The following ZDHHC14 variants were observed in gnomAD, a reference collection of about 807,000 sequenced individuals.
ZDHHC14 encodes palmitoyltransferase ZDHHC14.
Under a neutral mutation model 47.7 loss-of-function variants are expected in ZDHHC14, and 16 were observed. The ratio of observed to expected loss-of-function variants is 0.34; its 90% confidence interval spans 0.23 to 0.51. The LOEUF (loss-of-function observed/expected upper bound fraction) is 0.51. ZDHHC14 is among the 20% of genes least tolerant of loss of function. The probability of loss-of-function intolerance (pLI) is 0.97; values close to 1 mark genes in which losing one functional copy is unlikely to be tolerated. For synonymous variants in ZDHHC14, 293 were observed against 278.9 expected, an observed-to-expected ratio of 1.05 and a Z score of -0.50; for missense variants, 515 against 662.5, an observed-to-expected ratio of 0.78 and a Z score of 2.44.
chr6:157,537,706 C>T lies in ZDHHC14; in HGVS notation c.246-4879C>T, dbSNP rs193177249. ...GCTGCCTCATCATCTTGTATCAGATCCAGGCCCTTGGGGATGGAGTCTTCC... is the reference window on the plus strand; with the variant it reads ...GCTGCCTCATCATCTTGTATCAGATTCAGGCCCTTGGGGATGGAGTCTTCC... On this transcript the variant is annotated intron_variant, in intron 1 of 8. Transcript: ENST00000359775. Among the ~76,000 whole-genome samples the T allele has an allele frequency of 3.9e-3, 589 of 152,282 alleles. 1 individual carries two copies. The highest frequency in any genetic ancestry group is 6.7e-3 in the Non-Finnish European group (454 of 68,020).
At chr6:157,608,648 T>C (rs1194452461) in intron 3 of ZDHHC14, among the ~76,000 whole-genome samples, 1 of 152,184 alleles carries the variant, frequency 6.6e-6, no homozygotes, top group Non-Finnish European at 1.5e-5. Context: ...TGAGTCAGTG[T>C]GGCAGAGAGG....
chr6:157,422,411 TC>T (rs1196170750), intron 1 of ZDHHC14, among the ~76,000 whole-genome samples: 1 of 152,188 alleles, frequency 6.6e-6, no homozygotes, highest in Admixed American at 6.5e-5. Context: ...ATTCTGTACT[TC>T]CATCCCACAC....
intron 1 of ZDHHC14, among the ~76,000 whole-genome samples, chr6:157,474,950 G>A (rs1397846571): frequency 6.6e-6 from 1 of 151,972 alleles, no homozygotes; most frequent in Non-Finnish European, 1.5e-5. Context: ...TGTGCTTTTG[G>A]GGTCACATCC....
intron 7 of ZDHHC14, 84 bp from the exon 8 acceptor site, chr6:157,653,441 C>A (rs1777931478): frequency 1.4e-6 from 2 of 1,437,148 alleles, no homozygotes; most frequent in Non-Finnish European, 1.9e-6. Flanking sequence ...AAGAGGGAGC[C>A]CCGACGCGGA....
chr6:157,662,468 C>T (rs1388804930), intron 8 of ZDHHC14, among the ~76,000 whole-genome samples: 1 of 152,232 alleles, frequency 6.6e-6, no homozygotes, highest in Non-Finnish European at 1.5e-5. Flanking sequence ...AGGCGTGAGC[C>T]CCCGCGCCCA....
chr6:157,452,955 T>G (rs1436367658), intron 1 of ZDHHC14, among the ~76,000 whole-genome samples: 1 of 152,148 alleles, frequency 6.6e-6, no homozygotes, highest in Non-Finnish European at 1.5e-5. Context: ...TCCACCCGCC[T>G]TGGCCTCCCA....
chr6:157,400,199 A>G (rs754550713), intron 1 of ZDHHC14, among the ~76,000 whole-genome samples: 1 of 152,136 alleles, frequency 6.6e-6, no homozygotes, highest in Non-Finnish European at 1.5e-5. Flanking sequence ...ACTCACAGAC[A>G]GTGGGACAGA....
chr6:157,661,350 T>C (rs1392474386), intron 8 of ZDHHC14, among the ~76,000 whole-genome samples: 5 of 152,212 alleles, frequency 3.3e-5, no homozygotes, highest in Admixed American at 3.3e-4. Flanking sequence ...GACTTACTCA[T>C]GTTTGTCATC....
intron 1 of ZDHHC14, among the ~76,000 whole-genome samples, chr6:157,540,245 G>A (rs1234003414): frequency 6.6e-6 from 1 of 152,206 alleles, no homozygotes; most frequent in Non-Finnish European, 1.5e-5. Context: ...GAGGTGATGA[G>A]AGGCCGCAGA....
At chr6:157,634,813 C>T (rs934619887) in intron 5 of ZDHHC14, among the ~76,000 whole-genome samples, 2 of 152,220 alleles carry the variant, frequency 1.3e-5, no homozygotes, top group South Asian at 2.1e-4. Flanking sequence ...GAGTGCCTCT[C>T]GGCTGGGAGG....
At chr6:157,593,206 T>C in intron 3 of ZDHHC14, 60 bp downstream of exon 3, 2 of 1,538,550 alleles carry the variant, frequency 1.3e-6, no homozygotes, top group Non-Finnish European at 1.8e-6. Context: ...GGTTTGCGCC[T>C]CTCCAACCCT....
At chr6:157,382,464 G>C (rs1420021856) in intron 1 of ZDHHC14, among the ~76,000 whole-genome samples, 198 bp downstream of exon 1, 3 of 152,200 alleles carry the variant, frequency 2.0e-5, no homozygotes, top group African/African-American at 7.2e-5. Context: ...TCTGGGCTGG[G>C]CTTCTGGGAG....
intron 1 of ZDHHC14, among the ~76,000 whole-genome samples, chr6:157,490,164 G>C (rs188581989): frequency 1.3e-5 from 2 of 152,278 alleles, no homozygotes; most frequent in Admixed American, 1.3e-4. Flanking sequence ...GGCGAGGGGG[G>C]AACAGGTCTT....
chr6:157,556,127 TC>T (rs11357099), intron 2 of ZDHHC14, among the ~76,000 whole-genome samples: 4,434 of 152,150 alleles, frequency 0.029, 112 homozygotes, highest in African/African-American at 0.066. Flanking sequence ...CAGCTAGATG[TC>T]TTCAGCTGCC....
In ZDHHC14 at chr6:157,659,101, T is replaced by A. The variant is rs559884445; in HGVS notation, c.1068+5474T>A. Among the ~76,000 whole-genome samples, 32 of 152,364 alleles carry A rather than the reference T, an allele frequency of 2.1e-4. 1 individual carries two copies. In the South Asian group the frequency reaches 6.4e-3, roughly 31 times the overall value. The stretch of plus-strand genomic sequence containing the variant: ...TATCTAATTTGTTACCGTTTTCTCA[T>A]CTGTCAATATTGTTTTATTATGAAA... On this transcript the variant is annotated intron_variant, in intron 8 of 8. Transcript: ENST00000359775.
intron 1 of ZDHHC14, among the ~76,000 whole-genome samples, chr6:157,469,607 GC>G: frequency 1.3e-5 from 2 of 152,308 alleles, no homozygotes; most frequent in South Asian, 4.2e-4. Context: ...ATTCTGCCCT[GC>G]AGCTCCTCAC....
intron 1 of ZDHHC14, among the ~76,000 whole-genome samples, chr6:157,433,482 CTG>C (rs1778381751): frequency 6.6e-6 from 1 of 152,222 alleles, no homozygotes; most frequent in African/African-American, 2.4e-5. Context: ...GCTTAGGGCT[CTG>C]AGAGTTCAGC....
intron 1 of ZDHHC14, among the ~76,000 whole-genome samples, chr6:157,432,751 C>T (rs543382248): frequency 1.3e-5 from 2 of 152,154 alleles, no homozygotes; most frequent in Non-Finnish European, 2.9e-5. Context: ...TTTCATGCCC[C>T]GTAAACCACT....
At chr6:157,540,910 G>GTGTGTGTGTGTATATATATATATA (rs1284429244) in intron 1 of ZDHHC14, among the ~76,000 whole-genome samples, 1 of 122,992 alleles carries the variant, frequency 8.1e-6, no homozygotes, top group African/African-American at 4.3e-5. Flanking sequence ...GTGTGTGTGT[G>GTGTGTGTGTGTATATATATATATA]TATATATATA....
Sources: allele counts gnomAD v4.1 joint callset (sites outside exome capture counted in the v4.1 genomes callset), GRCh38; gene constraint gnomAD v4.1.1; transcripts MANE v1.5; gene names NCBI Gene and HGNC (gene_info 2026-07-23, HGNC 2026-07-21).